Variants in BBS9 observed in about 807,000 individuals in gnomAD.
BBS9 encodes protein PTHB1.
A neutral mutation model predicts 117.7 loss-of-function variants in BBS9; 89 were observed. The ratio of observed to expected loss-of-function variants is 0.76; its 90% confidence interval spans 0.64 to 0.90. BBS9 has a LOEUF of 0.90. BBS9 is among the 40% of genes least tolerant of loss of function. The pLI is 0.00. For synonymous variants in BBS9, 379 were observed against 370.9 expected (o/e 1.02, Z -0.25); for missense variants, 982 against 1,042.2 (o/e 0.94, Z 0.80).
Position 33,369,419 on chromosome 7 carries a change from C to T in BBS9, c.1789+1557C>T, listed in dbSNP as rs533607193. Reference sequence around the variant, plus strand: ...GAACCCTGATGTTGCCCACGATTACCTTACTGCTATCTAAATTTTACCAAA... The same window carrying T: ...GAACCCTGATGTTGCCCACGATTACTTTACTGCTATCTAAATTTTACCAAA... On this transcript the variant is annotated intron_variant, in intron 17 of 22. Coordinates refer to ENST00000242067, the MANE Select transcript of BBS9 (RefSeq NM_198428.3). Among the ~76,000 whole-genome samples, 3 of 152,224 alleles carry T rather than the reference C, an allele frequency of 2.0e-5. No individual in the cohort carries two copies. The East Asian group carries it at 5.8e-4, about 29-fold the overall frequency.
At chr7:33,629,506 C>T (rs2129228103) in intron 21 of BBS9, among the ~76,000 whole-genome samples, 1 of 152,220 alleles carries the variant, frequency 6.6e-6, no homozygotes, top group South Asian at 2.1e-4. Flanking sequence ...AGGGACTCTT[C>T]CTGAACCTCT....
intron 21 of BBS9, among the ~76,000 whole-genome samples, chr7:33,602,889 G>A (rs1284772538): frequency 6.6e-6 from 1 of 152,182 alleles, no homozygotes; most frequent in Admixed American, 6.5e-5. Flanking sequence ...TGCCGTCTCT[G>A]TATGTGGGAT....
At chr7:33,315,050 C>T (rs1810186638) in intron 9 of BBS9, among the ~76,000 whole-genome samples, 1 of 152,126 alleles carries the variant, frequency 6.6e-6, no homozygotes, top group Non-Finnish European at 1.5e-5. Context: ...TTGGGCTGGA[C>T]TTAGTTGGAT....
intron 19 of BBS9, among the ~76,000 whole-genome samples, chr7:33,448,078 T>C (rs1197090391): frequency 6.6e-6 from 1 of 152,154 alleles, no homozygotes. Flanking sequence ...GGCCAGTAAG[T>C]TGGAAGTTGA....
chr7:33,273,511 T>C (rs1459226103), intron 8 of BBS9, among the ~76,000 whole-genome samples: 2 of 152,162 alleles, frequency 1.3e-5, no homozygotes, highest in Admixed American at 1.3e-4. Flanking sequence ...AATAGTAATG[T>C]CTAATAGAAT....
intron 9 of BBS9, among the ~76,000 whole-genome samples, chr7:33,318,350 C>T (rs1409153697): frequency 6.6e-6 from 1 of 152,046 alleles, no homozygotes; most frequent in East Asian, 1.9e-4. Flanking sequence ...TTGAAAGAAG[C>T]TTTTACAACA....
intron 9 of BBS9, among the ~76,000 whole-genome samples, chr7:33,328,353 A>G (rs1813269786): frequency 1.3e-5 from 2 of 152,246 alleles, no homozygotes; most frequent in South Asian, 2.1e-4. Context: ...AAAGATTTTT[A>G]TACAGCAAGC....
At chr7:33,608,108 A>G (rs1864679224), downstream of BBS9, among the ~76,000 whole-genome samples, 1 of 151,894 alleles carries the variant, frequency 6.6e-6, no homozygotes, top group South Asian at 2.1e-4. Flanking sequence ...ATGAGTACCC[A>G]TTGTTTAGTT....
intron 9 of BBS9, 45 bp downstream of exon 9, chr7:33,274,001 A>G (rs1317963529): frequency 6.2e-7 from 1 of 1,601,222 alleles, no homozygotes; most frequent in Admixed American, 1.7e-5. Context: ...GATGTTAGTC[A>G]AGAAATTTTC....
intron 19 of BBS9, among the ~76,000 whole-genome samples, chr7:33,503,133 G>A (rs939683149): frequency 2.0e-5 from 3 of 152,032 alleles, no homozygotes; most frequent in African/African-American, 2.4e-5. Flanking sequence ...ACTCCTCTGC[G>A]CATGTGCATG....
intron 21 of BBS9, among the ~76,000 whole-genome samples, chr7:33,597,040 T>C (rs552085652): frequency 6.6e-6 from 1 of 150,506 alleles, no homozygotes; most frequent in South Asian, 2.1e-4. Flanking sequence ...TGTGCATATA[T>C]ATGAATCATC....
chr7:33,384,715 T>TGTGAGA (rs370625971), intron 18 of BBS9, among the ~76,000 whole-genome samples: 135 of 144,804 alleles, frequency 9.3e-4, no homozygotes, highest in African/African-American at 3.1e-3. Context: ...TGTGTGTGTG[T>TGTGAGA]GAGAGAGAGA....
intron 4 of BBS9, among the ~76,000 whole-genome samples, chr7:33,170,400 C>T (rs1175288896): frequency 6.7e-6 from 1 of 148,598 alleles, no homozygotes; most frequent in Non-Finnish European, 1.5e-5. Flanking sequence ...CAAAATTCAA[C>T]AACCCTTCAT....
intron 18 of BBS9, among the ~76,000 whole-genome samples, chr7:33,386,921 C>T (rs1035625100): frequency 6.6e-6 from 1 of 152,118 alleles, no homozygotes; most frequent in Non-Finnish European, 1.5e-5. Context: ...TCTTGTATAT[C>T]TTTCTAGAAA....
chr7:33,605,232 G>A lies in BBS9; in HGVS notation c.*6G>A, dbSNP rs1376571587. 4 of 1,612,178 alleles carry A rather than the reference G, an allele frequency of 2.5e-6. No homozygotes were observed. Among genetic ancestry groups the A allele is most frequent in the African/African-American group, 1.3e-5 (1 of 74,844 alleles). ...TCCAAGGAGTCTCGGAATAATTCAA[G>A]TAGAGTTGTTTGGTTGAGAGGAACA... On this transcript the variant is annotated 3_prime_UTR_variant, in exon 23 of 23. Transcript: ENST00000242067.
chr7:33,516,262 G>A (rs888167893), intron 20 of BBS9, among the ~76,000 whole-genome samples: 9 of 151,796 alleles, frequency 5.9e-5, no homozygotes, highest in South Asian at 2.1e-4. Context: ...AGGCTGTGGC[G>A]GGTAGATCAT....
intron 19 of BBS9, among the ~76,000 whole-genome samples, chr7:33,405,436 T>A (rs1829748245): frequency 6.6e-6 from 1 of 152,202 alleles, no homozygotes; most frequent in Admixed American, 6.5e-5. Flanking sequence ...TTCCTCCTTG[T>A]ACCTCTGGTA....
chr7:33,238,160 A>G (rs543150932), intron 5 of BBS9, among the ~76,000 whole-genome samples: 1 of 152,348 alleles, frequency 6.6e-6, no homozygotes, highest in East Asian at 1.9e-4. Context: ...CTTCTTGCCA[A>G]GGTTCAATAT....
chr7:33,633,031 C>T (rs190412978), intron 21 of BBS9, among the ~76,000 whole-genome samples: 20 of 152,158 alleles, frequency 1.3e-4, no homozygotes, highest in African/African-American at 4.6e-4. Flanking sequence ...CCCAATCAGG[C>T]GGCCCAAACT....
Sources: allele counts gnomAD v4.1 joint callset (sites outside exome capture counted in the v4.1 genomes callset), GRCh38; gene constraint gnomAD v4.1.1; transcripts MANE v1.5; gene names NCBI Gene and HGNC (gene_info 2026-07-23, HGNC 2026-07-21).